Variants in C1orf21 observed in about 807,000 individuals in gnomAD.
The protein encoded by C1orf21 is uncharacterized protein C1orf21.
Under a neutral mutation model 18.7 loss-of-function variants are expected in C1orf21, and 3 were observed. The observed-to-expected ratio is 0.16, with a 90% confidence interval of 0.07 to 0.42. The LOEUF (loss-of-function observed/expected upper bound fraction) is 0.42, where lower values mean the gene tolerates loss of function less well. Ranked by LOEUF, C1orf21 falls within the 10% of genes least tolerant of loss-of-function variation. The pLI, the probability that C1orf21 is intolerant of heterozygous loss-of-function variation, is 0.99. For synonymous variants in C1orf21, 41 were observed against 46.4 expected (o/e 0.88, Z 0.47); for missense variants, 104 against 143.6 (o/e 0.72, Z 1.41).
intron 1 of C1orf21, among the ~76,000 whole-genome samples, chr1:184,416,019 T>C (rs1656444920): frequency 8.9e-6 from 1 of 112,836 alleles, no homozygotes; most frequent in Admixed American, 7.3e-5. Flanking sequence ...GGATAACATG[T>C]AAGAACAGTC....
chr1:184,506,444 A>G (rs1482527096), intron 2 of C1orf21, among the ~76,000 whole-genome samples: 1 of 152,232 alleles, frequency 6.6e-6, no homozygotes. Context: ...AAATAAGAGT[A>G]TAGTCTTTTT....
At chr1:184,397,022 A>G (rs938544797) in intron 1 of C1orf21, among the ~76,000 whole-genome samples, 2 of 152,182 alleles carry the variant, frequency 1.3e-5, no homozygotes, top group South Asian at 2.1e-4. Flanking sequence ...CAGTTTGCAC[A>G]GGGAAAGTAT....
chr1:184,393,362 A>C (rs1656002509), intron 1 of C1orf21, among the ~76,000 whole-genome samples: 1 of 149,816 alleles, frequency 6.7e-6, no homozygotes, highest in African/African-American at 2.5e-5. Flanking sequence ...CCTCCCACCC[A>C]CTTCTCTCCA....
intron 3 of C1orf21, among the ~76,000 whole-genome samples, chr1:184,561,713 G>A (rs534985735): frequency 2.4e-4 from 36 of 152,210 alleles, no homozygotes; most frequent in African/African-American, 7.9e-4. Flanking sequence ...CACCTTCCGG[G>A]ATCAAGTAAT....
intron 1 of C1orf21, among the ~76,000 whole-genome samples, chr1:184,438,468 A>T (rs925985845): frequency 4.6e-5 from 7 of 152,174 alleles, no homozygotes; most frequent in Admixed American, 3.3e-4. Context: ...AGCCCCCTCA[A>T]GTTCCATAGT....
At chr1:184,453,147 G>C (rs547290937) in intron 1 of C1orf21, among the ~76,000 whole-genome samples, 16 of 152,278 alleles carry the variant, frequency 1.1e-4, no homozygotes, top group African/African-American at 3.8e-4. Context: ...TCACTTTGGG[G>C]AGAGGAAGCC....
intron 3 of C1orf21, among the ~76,000 whole-genome samples, chr1:184,531,604 T>C (rs888262934): frequency 6.6e-6 from 1 of 152,166 alleles, no homozygotes; most frequent in African/African-American, 2.4e-5. Context: ...AAAATCTTAG[T>C]TTTCCATTTT....
chr1:184,418,861 A>G (rs1656501354), intron 1 of C1orf21, among the ~76,000 whole-genome samples: 1 of 152,154 alleles, frequency 6.6e-6, no homozygotes, highest in Non-Finnish European at 1.5e-5. Flanking sequence ...CCTGTTTCAC[A>G]TTCTACTACT....
chr1:184,536,634 A>G (rs1658557875), intron 3 of C1orf21, among the ~76,000 whole-genome samples: 1 of 152,230 alleles, frequency 6.6e-6, no homozygotes, highest in Non-Finnish European at 1.5e-5. Context: ...GGTGCCTGCC[A>G]TAGCATGTGA....
intron 1 of C1orf21, among the ~76,000 whole-genome samples, chr1:184,451,376 G>A (rs933770899): frequency 1.3e-5 from 2 of 151,476 alleles, no homozygotes; most frequent in South Asian, 2.1e-4. Context: ...CTGAAGCCCC[G>A]ACCTCCTGGG....
chr1:184,412,643 G>T (rs1656373413), intron 1 of C1orf21, among the ~76,000 whole-genome samples: 1 of 135,918 alleles, frequency 7.4e-6, no homozygotes, highest in Non-Finnish European at 1.5e-5. Flanking sequence ...CCCCATCTCT[G>T]CAAAAAAGAA....
intron 1 of C1orf21, among the ~76,000 whole-genome samples, chr1:184,442,381 A>T (rs938810931): frequency 6.6e-6 from 1 of 152,164 alleles, no homozygotes; most frequent in Non-Finnish European, 1.5e-5. Context: ...GCATCTCTTT[A>T]TCTGCACAAT....
chr1:184,478,289 T>G (rs1158870413), intron 2 of C1orf21, among the ~76,000 whole-genome samples: 1 of 152,110 alleles, frequency 6.6e-6, no homozygotes. Context: ...AAAAATACAA[T>G]GAATCTAATA....
At chr1:184,610,966 T>C (rs1571301207) in intron 5 of C1orf21, among the ~76,000 whole-genome samples, 1 of 152,154 alleles carries the variant, frequency 6.6e-6, no homozygotes, top group Admixed American at 6.5e-5. Flanking sequence ...TACTCTCTCT[T>C]GGAAATGAAA....
intron 1 of C1orf21, among the ~76,000 whole-genome samples, chr1:184,450,309 G>A (rs957331002): frequency 6.6e-6 from 1 of 152,138 alleles, no homozygotes; most frequent in Non-Finnish European, 1.5e-5. Context: ...TCCAGACAGT[G>A]CTCCAGTCAC....
At chr1:184,502,471 T>G (rs2101961438) in intron 2 of C1orf21, among the ~76,000 whole-genome samples, 1 of 152,168 alleles carries the variant, frequency 6.6e-6, no homozygotes, top group Admixed American at 6.5e-5. Flanking sequence ...CACCAAGCAA[T>G]AATAAGCACC....
Position 184,477,620 on chromosome 1 carries a change from T to G in C1orf21, c.94+17T>G. On this transcript the variant is annotated intron_variant, in intron 2 of 5. Transcript: ENST00000235307. ...TGTTTGGCGGTGAGTCCTATCAAACTTGACTCTTGACCCATTGATTCTAGG... is the reference window on the plus strand; with the variant it reads ...TGTTTGGCGGTGAGTCCTATCAAACGTGACTCTTGACCCATTGATTCTAGG... The G allele has an allele frequency of 6.2e-7, 1 of 1,603,814 alleles. No homozygotes were observed. The highest frequency in any genetic ancestry group is 8.5e-7 in the Non-Finnish European group (1 of 1,171,164).
chr1:184,500,310 A>G (rs1299358573), intron 2 of C1orf21, among the ~76,000 whole-genome samples: 1 of 152,210 alleles, frequency 6.6e-6, no homozygotes, highest in Non-Finnish European at 1.5e-5. Context: ...TGAACCCCAG[A>G]TGAATGAAGG....
chr1:184,490,508 A>G (rs1368751302), intron 2 of C1orf21, among the ~76,000 whole-genome samples: 1 of 152,222 alleles, frequency 6.6e-6, no homozygotes, highest in Non-Finnish European at 1.5e-5. Flanking sequence ...CACACATACA[A>G]TATAGCAGGG....
Sources: gnomAD v4.1 joint callset for allele counts (sites outside exome capture counted in the v4.1 genomes callset) on GRCh38, gnomAD v4.1.1 for gene constraint, MANE v1.5 for transcripts, NCBI Gene and HGNC (gene_info 2026-07-23, HGNC 2026-07-21) for gene names.